NUBPL: variants seen among roughly 807,000 people sequenced by gnomAD.
NUBPL encodes NUBP iron-sulfur cluster assembly factor, mitochondrial.
In NUBPL, 31 loss-of-function variants were observed where a neutral mutation model predicts 45.7. That is an observed-to-expected ratio of 0.68 (90% CI 0.51 to 0.92). The LOEUF is 0.92. Ranked by LOEUF, NUBPL falls within the 40% of genes least tolerant of loss-of-function variation. The probability of loss-of-function intolerance (pLI) is 0.00; values close to 1 mark genes in which losing one functional copy is unlikely to be tolerated. For synonymous variants in NUBPL, 144 were observed against 140.9 expected, an observed-to-expected ratio of 1.02 and a Z score of -0.15; for missense variants, 401 against 398.7, an observed-to-expected ratio of 1.01 and a Z score of -0.05.
rs183755612 is a variant in NUBPL at position 31,711,777 on chromosome 14, G to C, written c.513+38203G>C. Among the ~76,000 whole-genome samples, 52 of 152,146 alleles carry C rather than the reference G, an allele frequency of 3.4e-4. No homozygotes were observed. In the East Asian group the frequency reaches 9.5e-3, roughly 28 times the overall value. On this transcript the variant is annotated intron_variant, in intron 6 of 10. Transcript: ENST00000281081. ...AGCTCTTAAAGGCAGTGCGTCTGGA[G>C]TTGTTCATTCCTTCCGGTGGGTTCA... is the stretch of plus-strand genomic sequence containing the variant.
rs1566577489 is a variant in NUBPL, at chr14:31,813,767, T to C, written c.608-12862T>C. ...TTTCTCTTTGTTCAACTCCCACTTA[T>C]AAGTGAGAACATGTGGTGTTTGGTT... On this transcript the variant is annotated intron_variant, in intron 7 of 10. Transcript: ENST00000281081. Among the ~76,000 whole-genome samples, 3 of 152,310 alleles carry C rather than the reference T, an allele frequency of 2.0e-5. 1 individual carries two copies. The South Asian group carries it at 6.2e-4, about 32-fold the overall frequency.
chr14:31,784,011 G>A lies in NUBPL; in HGVS notation c.514-3769G>A, dbSNP rs149951364. Among the ~76,000 whole-genome samples the A allele has an allele frequency of 7.3e-3, 1,104 of 152,188 alleles. 8 individuals are homozygous for A. The highest frequency in any genetic ancestry group is 0.012 in the Admixed American group (180 of 15,272). ...AAGGAAAATGATCCTTCATCTTTTG[G>A]GGTAAGTTTTGTCAACCTGAAGTAA... On this transcript the variant is annotated intron_variant, in intron 6 of 10. Coordinates refer to ENST00000281081, the MANE Select transcript of NUBPL (RefSeq NM_025152.3).
chr14:31,655,608 G>T (rs974444111), intron 4 of NUBPL, among the ~76,000 whole-genome samples: 1 of 152,134 alleles, frequency 6.6e-6, no homozygotes, highest in Non-Finnish European at 1.5e-5. Flanking sequence ...AGCTACTTTG[G>T]GTGCTGAGGC....
intron 4 of NUBPL, among the ~76,000 whole-genome samples, chr14:31,605,796 C>G (rs1248008266): frequency 1.3e-5 from 2 of 148,994 alleles, no homozygotes; most frequent in East Asian, 3.9e-4. Context: ...TTCCTTCCTC[C>G]TCCTCCTCTT....
intron 8 of NUBPL, among the ~76,000 whole-genome samples, chr14:31,831,191 C>A (rs544802692): frequency 8.5e-4 from 129 of 151,798 alleles, no homozygotes; most frequent in African/African-American, 3.0e-3. Flanking sequence ...TTGCAGTCAC[C>A]CACCACCACG....
At chr14:31,770,353 C>A (rs1229652861) in intron 6 of NUBPL, among the ~76,000 whole-genome samples, 1 of 152,066 alleles carries the variant, frequency 6.6e-6, no homozygotes, top group Non-Finnish European at 1.5e-5. Flanking sequence ...GTTGGGGATG[C>A]AATCACTGGG....
intron 3 of NUBPL, among the ~76,000 whole-genome samples, chr14:31,577,155 G>T (rs565062980): frequency 6.6e-6 from 1 of 152,252 alleles, no homozygotes; most frequent in South Asian, 2.1e-4. Context: ...CATCATCCTT[G>T]TCTTTCATCT....
chr14:31,810,279 T>C (rs12886418), intron 7 of NUBPL, among the ~76,000 whole-genome samples: 1 of 151,970 alleles, frequency 6.6e-6, no homozygotes, highest in East Asian at 1.9e-4. Context: ...TCTTGGGGCT[T>C]GCTTTATGAA....
intron 10 of NUBPL, among the ~76,000 whole-genome samples, chr14:31,852,853 G>A (rs368256688): frequency 9.9e-5 from 15 of 151,950 alleles, no homozygotes; most frequent in South Asian, 2.1e-4. Context: ...CCTTTCCCCC[G>A]TGAACTCAAA....
intron 6 of NUBPL, among the ~76,000 whole-genome samples, chr14:31,786,848 A>G (rs944751731): frequency 2.6e-5 from 4 of 152,220 alleles, no homozygotes; most frequent in Admixed American, 6.5e-5. Context: ...TAAAGGCAAG[A>G]GAAGAGTTTT....
At chr14:31,668,350 T>C (rs1246736443) in intron 4 of NUBPL, among the ~76,000 whole-genome samples, 3 of 152,186 alleles carry the variant, frequency 2.0e-5, no homozygotes, top group African/African-American at 7.2e-5. Flanking sequence ...GGTGGCTTCC[T>C]TAATACGGTG....
Position 31,841,917 on chromosome 14 carries a change from CTTTTTTTTTTTT to C in NUBPL, c.694-4534_694-4523del, listed in dbSNP as rs547795007. Among the ~76,000 whole-genome samples, 73 of 43,050 alleles carry C rather than the reference CTTTTTTTTTTTT, an allele frequency of 1.7e-3. 2 individuals are homozygous for C. Among genetic ancestry groups the C allele is most frequent in the Middle Eastern group, 0.042 (2 of 48 alleles). 28.2% of individuals were successfully genotyped at this position (43,050 alleles called of 152,430 possible). ...CTTTCATGTATGGGTCGATTCTGGG[CTTTTTTTTTTTT>C]TTTTTTTTTTTTTTTTTTTGAGACG... On this transcript the variant is annotated intron_variant, in intron 8 of 10. Transcript: ENST00000281081.
In NUBPL at chr14:31,622,272, A is replaced by C. The variant is rs535432119; in HGVS notation, c.382+22893A>C. On this transcript the variant is annotated intron_variant, in intron 4 of 10. Transcript: ENST00000281081. Reference sequence around the variant, plus strand: ...CATACAGTCATATGCATTTACAAAGAGATGGTCTGAAATTTGAACTTAGTT... The same window carrying C: ...CATACAGTCATATGCATTTACAAAGCGATGGTCTGAAATTTGAACTTAGTT... 4.6e-5 allele frequency among the ~76,000 whole-genome samples: 7 copies of C among 152,288 alleles called. No homozygotes were observed. In the South Asian group the frequency reaches 1.0e-3, roughly 23 times the overall value.
intron 6 of NUBPL, among the ~76,000 whole-genome samples, chr14:31,742,237 TACACACACACACACACAC>T (rs3035713): frequency 0.09 from 12,671 of 141,460 alleles, 636 homozygotes; most frequent in African/African-American, 0.15. Flanking sequence ...AACTATTGTG[TACACACACACACACACAC>T]ACACACACAC....
At chr14:31,814,969 G>C (rs150238002) in intron 7 of NUBPL, among the ~76,000 whole-genome samples, 1 of 151,900 alleles carries the variant, frequency 6.6e-6, no homozygotes, top group African/African-American at 2.4e-5. Context: ...GTCAGGTAGC[G>C]TGATGCCTCC....
intron 6 of NUBPL, among the ~76,000 whole-genome samples, chr14:31,697,245 G>A (rs1181150394): frequency 6.6e-6 from 1 of 152,194 alleles, no homozygotes; most frequent in African/African-American, 2.4e-5. Context: ...AAATGGCACA[G>A]TCTTATTCAA....
At chr14:31,739,163 G>A (rs1029033612) in intron 6 of NUBPL, among the ~76,000 whole-genome samples, 3 of 135,742 alleles carry the variant, frequency 2.2e-5, no homozygotes, top group South Asian at 2.1e-4. Flanking sequence ...ACAGATGCCC[G>A]CCACCACACC....
At chr14:31,661,394 G>A (rs1404080010) in intron 4 of NUBPL, among the ~76,000 whole-genome samples, 3 of 152,176 alleles carry the variant, frequency 2.0e-5, no homozygotes, top group Non-Finnish European at 4.4e-5. Context: ...TTAAGTTTAT[G>A]TGGAGGAGTT....
chr14:31,712,021 CA>C (rs1230240385), intron 6 of NUBPL, among the ~76,000 whole-genome samples: 1 of 152,126 alleles, frequency 6.6e-6, no homozygotes, highest in African/African-American at 2.4e-5. Context: ...TGAGCATCAG[CA>C]AGATTTATTG....
Sources: gnomAD v4.1 joint callset for allele counts (sites outside exome capture counted in the v4.1 genomes callset) on GRCh38, gnomAD v4.1.1 for gene constraint, MANE v1.5 for transcripts, NCBI Gene and HGNC (gene_info 2026-07-23, HGNC 2026-07-21) for gene names.